Variants in EDA observed in about 807,000 individuals in gnomAD.
EDA encodes ectodysplasin-A.
EDA carries 2 observed loss-of-function variants against 23.6 expected under a neutral mutation model. The ratio of observed to expected loss-of-function variants is 0.08; its 90% confidence interval spans 0.03 to 0.27. EDA has a LOEUF of 0.27. EDA is among the 10% of genes least tolerant of loss of function. The probability of loss-of-function intolerance (pLI) is 1.00; values close to 1 mark genes in which losing one functional copy is unlikely to be tolerated. For missense variants in EDA, 229 were observed against 324.2 expected (o/e 0.71, Z 2.26); for synonymous variants, 131 against 132.0 (o/e 0.99, Z 0.05).
chrX:69,616,437 C>G lies in EDA; in HGVS notation c.129C>G (p.Phe43Leu). 1 of 1,211,861 alleles carries G rather than the reference C, an allele frequency of 8.3e-7. No individual in the cohort carries two copies. Among genetic ancestry groups the G allele is most frequent in the Non-Finnish European group, 1.1e-6 (1 of 895,455 alleles). The change falls in exon 1 of 8, where the codon TTC (phenylalanine) becomes TTG (leucine). Residue 43 changes from phenylalanine to leucine, a missense_variant. Coordinates refer to ENST00000374552, the MANE Select transcript of EDA (RefSeq NM_001399.5). ...GCGAAGGGAACAGCTGCCTGCTCTT[C>G]CTGGGTTTCTTTGGCCTCTCGCTGG... is the stretch of plus-strand genomic sequence containing the variant. ...RAGEGNSCLL[F>L]LGFFGLSLAL...
chrX:69,630,997 G>C (rs1292109774), intron 1 of EDA, among the ~76,000 whole-genome samples: 1 of 111,246 alleles, frequency 9.0e-6, no homozygotes, highest in African/African-American at 3.3e-5. Flanking sequence ...CTGGCTCTCT[G>C]TTTACTTATC....
chrX:69,831,664 A>C (rs933993828), intron 1 of EDA, among the ~76,000 whole-genome samples: 8 of 112,408 alleles, frequency 7.1e-5, no homozygotes, highest in African/African-American at 1.6e-4. Context: ...ACTAATTTGC[A>C]TTCCCACCAA....
chrX:69,636,036 C>A (rs958747460), intron 1 of EDA, among the ~76,000 whole-genome samples: 1 of 110,732 alleles, frequency 9.0e-6, no homozygotes, highest in Non-Finnish European at 1.9e-5. Context: ...CCTGTCACTG[C>A]ACTTAACTAT....
chrX:70,022,971 C>T (rs1442403265), intron 2 of EDA: 2 of 267,946 alleles, frequency 7.5e-6, no homozygotes, highest in Non-Finnish European at 1.4e-5. Flanking sequence ...TCCCTCACCC[C>T]AAAGACTGAA....
At chrX:69,964,607 G>A (rs1408572660) in intron 2 of EDA, among the ~76,000 whole-genome samples, 1 of 111,850 alleles carries the variant, frequency 8.9e-6, no homozygotes, top group Non-Finnish European at 1.9e-5. Context: ...TGGTCAGTGA[G>A]CCTTTTCATT....
intron 2 of EDA, among the ~76,000 whole-genome samples, chrX:70,010,683 G>A (rs1241596477): frequency 1.8e-5 from 2 of 111,685 alleles, no homozygotes; most frequent in Admixed American, 1.9e-4. Flanking sequence ...AGACATACCC[G>A]AGACTGGGTA....
At chrX:69,761,152 C>T (rs184576778) in intron 1 of EDA, among the ~76,000 whole-genome samples, 14 of 110,612 alleles carry the variant, frequency 1.3e-4, no homozygotes, top group Middle Eastern at 4.7e-3. Context: ...GGAAGATGTA[C>T]AAGGTCATTG....
At chrX:69,668,138 C>A (rs1442492915) in intron 1 of EDA, among the ~76,000 whole-genome samples, 1 of 111,900 alleles carries the variant, frequency 8.9e-6, no homozygotes, top group African/African-American at 3.2e-5. Flanking sequence ...CCTTTTAGAA[C>A]TGATTTTGCC....
Position 70,039,269 on chromosome X carries a change from A to G in EDA, c.*3660A>G, listed in dbSNP as rs1235294987. On this transcript the variant is annotated 3_prime_UTR_variant, in exon 8 of 8. Transcript: ENST00000374552. ...GGAGGGCTCGGGGTGTGTCATTTCT[A>G]TATTCCTCCAGCTGGGATTGGGGGG... 2.7e-5 allele frequency: 3 copies of G among 111,511 alleles called. No individual in the cohort carries two copies. Among genetic ancestry groups the G allele is most frequent in the Non-Finnish European group, 5.7e-5 (3 of 53,039 alleles). The allele number at this position is 111,511 out of a possible 1,213,427, so 9.2% of individuals were successfully genotyped here.
At chrX:69,738,359 T>A (rs111343148) in intron 1 of EDA, among the ~76,000 whole-genome samples, 1,755 of 109,905 alleles carry the variant, frequency 0.016, 45 homozygotes, top group African/African-American at 0.055. Flanking sequence ...TTCATTTTTT[T>A]ATTTCTGTCC....
At chrX:69,864,762 G>A (rs941463982) in intron 1 of EDA, among the ~76,000 whole-genome samples, 13 of 111,642 alleles carry the variant, frequency 1.2e-4, no homozygotes, top group African/African-American at 3.6e-4. Flanking sequence ...AGGCTGAGGC[G>A]GGTGGATCAC....
chrX:69,711,804 A>T (rs2012056601), intron 1 of EDA, among the ~76,000 whole-genome samples: 1 of 111,401 alleles, frequency 9.0e-6, no homozygotes, highest in Non-Finnish European at 1.9e-5. Flanking sequence ...GTATTCTCTG[A>T]TGGTAGTTTG....
intron 1 of EDA, among the ~76,000 whole-genome samples, chrX:69,783,881 T>G (rs1449911278): frequency 2.9e-5 from 3 of 103,407 alleles, no homozygotes; most frequent in Non-Finnish European, 6.1e-5. Flanking sequence ...ACTTCCACAA[T>G]GGTTGAACTA....
At chrX:69,751,525 A>G (rs1457390209) in intron 1 of EDA, among the ~76,000 whole-genome samples, 2 of 111,680 alleles carry the variant, frequency 1.8e-5, no homozygotes. Flanking sequence ...TTTTGGTTCC[A>G]TATGAACTTT....
chrX:69,769,614 C>A (rs1010749220), intron 1 of EDA, among the ~76,000 whole-genome samples: 3 of 110,828 alleles, frequency 2.7e-5, no homozygotes, highest in Non-Finnish European at 5.7e-5. Context: ...TTCCTGACTT[C>A]TTTTTGATTA....
intron 1 of EDA, among the ~76,000 whole-genome samples, chrX:69,846,614 G>A (rs775762821): frequency 9.7e-4 from 108 of 111,020 alleles, no homozygotes; most frequent in African/African-American, 3.4e-3. Flanking sequence ...TATTAACTTC[G>A]TCAGTCACCA....
At chrX:69,908,093 TAATTCTAAA>T (rs1304302398) in intron 1 of EDA, among the ~76,000 whole-genome samples, 3 of 111,833 alleles carry the variant, frequency 2.7e-5, no homozygotes, top group African/African-American at 9.7e-5. Flanking sequence ...ACTCCCAGCA[TAATTCTAAA>T]ATGTATTTTC....
chrX:69,802,619 C>T (rs911219520), intron 1 of EDA, among the ~76,000 whole-genome samples: 1 of 110,658 alleles, frequency 9.0e-6, no homozygotes, highest in African/African-American at 3.3e-5. Flanking sequence ...CAGAAGGAGA[C>T]TCTAGCTTGC....
chrX:69,748,209 C>T (rs1361371022), intron 1 of EDA, among the ~76,000 whole-genome samples: 1 of 110,863 alleles, frequency 9.0e-6, no homozygotes, highest in Non-Finnish European at 1.9e-5. Context: ...GGTTGAGGTT[C>T]TTGTTGCCTT....
Sources: gnomAD v4.1 joint callset for allele counts (sites outside exome capture counted in the v4.1 genomes callset) on GRCh38, gnomAD v4.1.1 for gene constraint, MANE v1.5 for transcripts, NCBI Gene and HGNC (gene_info 2026-07-23, HGNC 2026-07-21) for gene names.